The following AMZ1 variants were observed in gnomAD, a reference collection of about 807,000 sequenced individuals.
AMZ1 encodes the protein archaelysin family metallopeptidase 1.
A neutral mutation model predicts 29.9 loss-of-function variants in AMZ1; 39 were observed. The observed-to-expected ratio is 1.30, with a 90% CI of 1.01 to 1.70. AMZ1 has a LOEUF of 1.70. Among genes scored for constraint, AMZ1 ranks in the 40% most tolerant of loss-of-function variants. The pLI, the probability that AMZ1 is intolerant of heterozygous loss-of-function variation, is 0.00. For synonymous variants in AMZ1, 458 were observed against 304.0 expected (o/e 1.51, Z -5.27); for missense variants, 1,041 against 680.6 (o/e 1.53, Z -5.89).
chr7:2,715,773 C>T lies in AMZ1; in HGVS notation c.*2895C>T, dbSNP rs1458022438. The stretch of plus-strand genomic sequence containing the variant: ...GACTTGGGACAGTCACCAGGAAAGA[C>T]GCAAGGCAGAGGAGAGAGAATGAGG... On this transcript the variant is annotated 3_prime_UTR_variant, in exon 7 of 7. Transcript: ENST00000683327. The T allele has an allele frequency of 3.3e-5, 5 of 152,182 alleles. No individual in the cohort carries two copies. Among genetic ancestry groups the T allele is most frequent in the South Asian group, 4.1e-4 (2 of 4,834 alleles). 9.4% of individuals were successfully genotyped at this position (152,182 alleles called of 1,614,324 possible). A position where few individuals can be genotyped will look rare whatever the true frequency, so the allele number is the denominator to read the frequency against.
chr7:2,708,720 A>C lies in AMZ1; in HGVS notation c.601+4A>C. ...AGCAAGTTCCTTCCAGGGCACGGTG[A>C]GCCGGGGCCCCAGCAGCTGTGCGTG... On this transcript the variant is annotated splice_donor_region_variant and intron_variant, in intron 4 of 6. Coordinates refer to ENST00000683327, the MANE Select transcript of AMZ1 (RefSeq NM_001384743.1). 4 of 1,612,344 alleles carry C rather than the reference A, an allele frequency of 2.5e-6. No individual in the cohort carries two copies. The highest frequency in any genetic ancestry group is 3.4e-6 in the Non-Finnish European group (4 of 1,179,962).
intron 2 of AMZ1, 122 bp downstream of exon 2, chr7:2,700,877 T>C (rs1398815294): frequency 7.6e-7 from 1 of 1,322,788 alleles, no homozygotes; most frequent in Non-Finnish European, 1.0e-6. Context: ...GTCCTGGGTG[T>C]ATGGGATGCC....
intron 4 of AMZ1, among the ~76,000 whole-genome samples, chr7:2,743,070 A>T (rs1790591161): frequency 6.6e-6 from 1 of 152,236 alleles, no homozygotes; most frequent in South Asian, 2.1e-4. Context: ...TGGGGCAACC[A>T]GGACTGCCAA....
In AMZ1 at chr7:2,713,156, T is replaced by G. The variant is rs1311449923; in HGVS notation, c.*278T>G. On this transcript the variant is annotated 3_prime_UTR_variant, in exon 7 of 7. Transcript: ENST00000683327. ...ATTCAGGAGGCTGAGGTGGGAGGAT[T>G]GCTTGAGCCTAGGAGGTCGAGGCTG... 3.3e-6 allele frequency: 1 copy of G among 303,106 alleles called. No individual in the cohort carries two copies. Among genetic ancestry groups the G allele is most frequent in the East Asian group, 5.5e-5 (1 of 18,212 alleles). The allele number at this position is 303,106 out of a possible 1,614,324, so 18.8% of individuals were successfully genotyped here.
chr7:2,684,921 G>A (rs1438350975), upstream of AMZ1, among the ~76,000 whole-genome samples: 1 of 150,152 alleles, frequency 6.7e-6, no homozygotes, highest in Non-Finnish European at 1.5e-5. Context: ...CCAGGCTGGA[G>A]TGCAGTGGCG....
At chr7:2,723,103 TTA>T (rs1562384116), downstream of AMZ1, among the ~76,000 whole-genome samples, 2 of 152,026 alleles carry the variant, frequency 1.3e-5, no homozygotes, top group South Asian at 2.1e-4. Flanking sequence ...GGTGTAGAAA[TTA>T]TATGTGACTT....
rs1788631935 is a variant in AMZ1, at chr7:2,709,690, G to A, written c.822G>A (p.Trp274Ter). ...CHLLGLGNCR[W>*]LRCLMQGALS... ...TTCTGGGCCTGGGGAACTGCCGCTG[G>A]CTCCGCTGCCTCATGCAGGGTGCGC... Residue 274 changes from tryptophan to a stop codon, truncating the protein, a stop_gained, in exon 6 of 7, where the codon TGG becomes TGA. Coordinates refer to ENST00000683327, the MANE Select transcript of AMZ1 (RefSeq NM_001384743.1). LOFTEE classifies it high-confidence loss of function. The A allele has an allele frequency of 6.2e-7, 1 of 1,610,890 alleles. No homozygotes were observed.
chr7:2,725,217 T>G (rs147015052), intron 4 of AMZ1, among the ~76,000 whole-genome samples: 5 of 152,232 alleles, frequency 3.3e-5, no homozygotes, highest in Non-Finnish European at 7.3e-5. Flanking sequence ...GCATGGCTGT[T>G]CTGGGCCCTC....
Position 2,718,713 on chromosome 7 carries a change from G to T in AMZ1, c.*5835G>T, listed in dbSNP as rs1383306876. 6.6e-6 allele frequency among the ~76,000 whole-genome samples: 1 copy of T among 152,204 alleles called. No individual in the cohort carries two copies. The highest frequency in any genetic ancestry group is 1.5e-5 in the Non-Finnish European group (1 of 68,042). On this transcript the variant is annotated 3_prime_UTR_variant, in exon 7 of 7. Coordinates refer to ENST00000683327, the MANE Select transcript of AMZ1 (RefSeq NM_001384743.1). ...GGAGCTCCACTGTCCCTTCTAACAG[G>T]ACAGGGCTTGTGCAGCCGGGCTTGG...
chr7:2,691,942 G>A (rs1179147018), intron 1 of AMZ1, among the ~76,000 whole-genome samples: 3 of 152,256 alleles, frequency 2.0e-5, no homozygotes, highest in East Asian at 3.9e-4. Context: ...CCTGTGGACA[G>A]AACAAATAAT....
At chr7:2,698,750 C>T (rs768728504) in intron 1 of AMZ1, among the ~76,000 whole-genome samples, 19 of 152,142 alleles carry the variant, frequency 1.2e-4, no homozygotes, top group Admixed American at 2.6e-4. Flanking sequence ...GCAGGAGGAT[C>T]GCTTGAGCTC....
chr7:2,757,128 C>CTTTTTTT (rs1562409543), intron 4 of AMZ1, among the ~76,000 whole-genome samples: 16 of 115,128 alleles, frequency 1.4e-4, no homozygotes, highest in African/African-American at 2.2e-4. Context: ...ATCAGGTGGG[C>CTTTTTTT]CTTTTTTTTT....
Position 2,718,498 on chromosome 7 carries a change from C to G in AMZ1, c.*5620C>G, listed in dbSNP as rs945024809. ...GAATGGGGACGTGTTTTGTTCAGCCCTGACTCTTGGACGCTGGTGGCAGCC... is the reference window on the plus strand; with the variant it reads ...GAATGGGGACGTGTTTTGTTCAGCCGTGACTCTTGGACGCTGGTGGCAGCC... On this transcript the variant is annotated 3_prime_UTR_variant, in exon 7 of 7. Coordinates refer to ENST00000683327, the MANE Select transcript of AMZ1 (RefSeq NM_001384743.1). Among the ~76,000 whole-genome samples, 1 of 152,226 alleles carries G rather than the reference C, an allele frequency of 6.6e-6. No individual in the cohort carries two copies. The highest frequency in any genetic ancestry group is 2.4e-5 in the African/African-American group (1 of 41,462).
At chr7:2,690,449 G>A (rs1388316928) in intron 1 of AMZ1, among the ~76,000 whole-genome samples, 1 of 152,154 alleles carries the variant, frequency 6.6e-6, no homozygotes, top group African/African-American at 2.4e-5. Flanking sequence ...TCAAACTCCT[G>A]GACTCAAGCG....
At chr7:2,697,292 T>C (rs1163549581) in intron 1 of AMZ1, among the ~76,000 whole-genome samples, 1 of 152,112 alleles carries the variant, frequency 6.6e-6, no homozygotes, top group Non-Finnish European at 1.5e-5. Flanking sequence ...AGATGGGGTT[T>C]CACTGGGTTA....
At chr7:2,709,380 G>A (rs554394856) in intron 5 of AMZ1, 136 bp downstream of exon 5, 3 of 1,095,920 alleles carry the variant, frequency 2.7e-6, no homozygotes, top group South Asian at 3.6e-5. Context: ...AGGAAAGCAA[G>A]GCTACACAGC....
chr7:2,737,274 G>GTTT (rs1041056812), intron 4 of AMZ1, among the ~76,000 whole-genome samples: 625 of 34,966 alleles, frequency 0.018, 66 homozygotes, highest in East Asian at 0.055. Flanking sequence ...GTTTTGTTTT[G>GTTT]TTTTTTTTTT....
chr7:2,707,247 A>G (rs1328159192), intron 3 of AMZ1, among the ~76,000 whole-genome samples: 3 of 150,802 alleles, frequency 2.0e-5, no homozygotes, highest in Non-Finnish European at 3.0e-5. Context: ...ACTACACTGC[A>G]GCCTGGGCAA....
intron 1 of AMZ1, among the ~76,000 whole-genome samples, chr7:2,698,515 G>A (rs1304162172): frequency 1.3e-5 from 2 of 151,916 alleles, no homozygotes; most frequent in South Asian, 2.1e-4. Context: ...TCTAGCCTGG[G>A]CGACACAGCA....
Sources: gnomAD v4.1 joint callset for allele counts (sites outside exome capture counted in the v4.1 genomes callset) on GRCh38, gnomAD v4.1.1 for gene constraint, MANE v1.5 for transcripts, NCBI Gene and HGNC (gene_info 2026-07-23, HGNC 2026-07-21) for gene names.